LRRC71: variants seen among roughly 807,000 people sequenced by gnomAD.
The protein encoded by LRRC71 is leucine rich repeat containing 71.
LRRC71 carries 54 observed loss-of-function variants against 66.6 expected under a neutral mutation model. The ratio of observed to expected loss-of-function variants is 0.81; its 90% CI spans 0.65 to 1.02. LRRC71 has a LOEUF of 1.02. Among genes scored for constraint, LRRC71 ranks in the 50% least tolerant of loss-of-function variants. LRRC71 has a pLI of 0.00. For missense variants in LRRC71, 724 were observed against 718.0 expected, an observed-to-expected ratio of 1.01 and a Z score of -0.10; for synonymous variants, 323 against 303.9, an observed-to-expected ratio of 1.06 and a Z score of -0.65.
Position 156,920,892 on chromosome 1 carries a change from G to A in LRRC71, c.89G>A (p.Gly30Glu). 1 of 1,539,782 alleles carries A rather than the reference G, an allele frequency of 6.5e-7. No homozygotes were observed. Among genetic ancestry groups the A allele is most frequent in the Non-Finnish European group, 8.8e-7 (1 of 1,142,390 alleles). The change falls in exon 1 of 15, where the codon GGA (glycine) becomes GAA (glutamate). Residue 30 changes from glycine to glutamate, a missense_variant. Transcript: ENST00000337428. The surrounding 1 kb of genome is among the most constrained non-coding windows in gnomAD (Gnocchi z 4.9). ...QKSSGAVTKK[G>E]ERAAKEKPAT... ...TCTTCTGGCGCGGTGACCAAAAAGGGAGAGCGCGCGGCCAAAGAGAAGCCA... is the reference window on the plus strand; with the variant it reads ...TCTTCTGGCGCGGTGACCAAAAAGGAAGAGCGCGCGGCCAAAGAGAAGCCA...
chr1:156,940,156 G>T, the LRRC71 span: 1 of 1,516,228 alleles, frequency 6.6e-7, no homozygotes, highest in Non-Finnish European at 8.9e-7. Flanking sequence ...AGTTCACACT[G>T]GGTGTGCGAC....
At chr1:156,924,795 G>T (rs1652939216) in intron 4 of LRRC71, 77 bp downstream of exon 4, 1 of 1,521,938 alleles carries the variant, frequency 6.6e-7, no homozygotes, top group African/African-American at 1.4e-5. Context: ...AGAGAACCAA[G>T]GGGCATGGGA....
Position 156,929,559 on chromosome 1 carries a change from A to G in LRRC71, c.1147-77A>G, listed in dbSNP as rs1470817047. 5.9e-6 allele frequency: 9 copies of G among 1,533,526 alleles called. No individual in the cohort carries two copies. In the Admixed American group the frequency reaches 1.6e-4, roughly 27 times the overall value. 95.0% of individuals were successfully genotyped at this position (1,533,526 alleles called of 1,614,324 possible). A position where few individuals can be genotyped will look rare whatever the true frequency, so the allele number is the denominator to read the frequency against. On this transcript the variant is annotated intron_variant, in intron 10 of 14. Transcript: ENST00000337428. The stretch of plus-strand genomic sequence containing the variant: ...GTTCCCCCTAAGGCCCCGGGTCCTA[A>G]CCTGGGCTCCTTCCCTCACCACTGC...
At position 156,927,895 on chromosome 1, in the gene LRRC71, T is replaced by G. The variant is rs200787252; in HGVS notation, c.907-20T>G. 3,969 of 1,610,666 alleles carry G rather than the reference T, an allele frequency of 2.5e-3. 10 individuals carry two copies. The highest frequency in any genetic ancestry group is 4.5e-3 in the Admixed American group (270 of 59,640). On this transcript the variant is annotated intron_variant, in intron 8 of 14. Coordinates refer to ENST00000337428, the MANE Select transcript of LRRC71 (RefSeq NM_144702.3). ...CCTGACTACCCAGGCGTCCGACCGC[T>G]GAGCGCCCGCCTCCTTCAGGTCCTG...
At chr1:156,929,550 C>CG in intron 10 of LRRC71, 86 bp from the exon 11 acceptor site, 1 of 1,533,584 alleles carries the variant, frequency 6.5e-7, no homozygotes, top group Non-Finnish European at 8.8e-7. Context: ...CCTAAGGCCC[C>CG]GGGTCCTAAC....
Position 156,927,761 on chromosome 1 carries a change from G to C in LRRC71, c.851G>C (p.Trp284Ser). 1.2e-6 allele frequency: 2 copies of C among 1,611,454 alleles called. No homozygotes were observed. Among genetic ancestry groups the C allele is most frequent in the African/African-American group, 1.3e-5 (1 of 75,046 alleles). Residue 284 changes from tryptophan (W) to serine (S), a missense_variant, in exon 8 of 15, where the codon TGG becomes TCG. Trp to Ser is a radical substitution (Grantham distance 177, BLOSUM62 -3). Transcript: ENST00000337428. ...DGLRLNRSLL[W>S]LSLAHNRIQD... ...CTCCGGCTGAACCGTTCCCTGCTCT[G>C]GCTGTCCCTGGCCCACAACCGCATC... is the stretch of plus-strand genomic sequence containing the variant.
chr1:156,930,642 C>A lies in LRRC71; in HGVS notation c.1329+25C>A, dbSNP rs758123837. The A allele has an allele frequency of 5.2e-6, 8 of 1,544,072 alleles. No individual in the cohort carries two copies. In the African/African-American group the frequency reaches 1.1e-4, roughly 21 times the overall value. ...GGTAAGTTGCCAGGAGGAGTGGAGGCAGGGGGCACACCCCTGGGATTCCAG... is the reference window on the plus strand; with the variant it reads ...GGTAAGTTGCCAGGAGGAGTGGAGGAAGGGGGCACACCCCTGGGATTCCAG... On this transcript the variant is annotated intron_variant, in intron 12 of 14. Transcript: ENST00000337428.
the LRRC71 span, chr1:156,940,194 T>C: frequency 6.4e-7 from 1 of 1,565,298 alleles, no homozygotes; most frequent in African/African-American, 1.3e-5. Context: ...CGGCAGGGCC[T>C]TGAAGCACTC....
chr1:156,935,854 T>TC (rs761550684), downstream of LRRC71: 73 of 886,858 alleles, frequency 8.2e-5, no homozygotes, highest in Non-Finnish European at 1.1e-4. Flanking sequence ...CATGCGGGTC[T>TC]CCCCCCGGGC....
intron 12 of LRRC71, 26 bp downstream of exon 12, chr1:156,930,643 A>G (rs1457895106): frequency 1.3e-6 from 2 of 1,545,254 alleles, no homozygotes; most frequent in South Asian, 2.4e-5. Context: ...GAGTGGAGGC[A>G]GGGGGCACAC....
downstream of LRRC71, chr1:156,936,968 A>G (rs772634099): frequency 1.7e-5 from 28 of 1,613,868 alleles, no homozygotes; most frequent in African/African-American, 2.3e-4. Context: ...CTCTCCCCCA[A>G]GGGACTTGAG....
chr1:156,930,093 C>CTTTTTCTTTCTT, intron 11 of LRRC71, among the ~76,000 whole-genome samples: 1 of 57,658 alleles, frequency 1.7e-5, no homozygotes, highest in East Asian at 1.1e-3. Context: ...TTCTTTCTTT[C>CTTTTTCTTTCTT]TCTCTCTTTT....
At chr1:156,935,702 T>C (rs1654919670), downstream of LRRC71, 2 of 395,420 alleles carry the variant, frequency 5.1e-6, no homozygotes, top group Middle Eastern at 6.6e-4. Flanking sequence ...TGTACACACA[T>C]ATGTGGGGTG....
downstream of LRRC71, chr1:156,936,831 G>GC (rs770799611): frequency 8.7e-6 from 14 of 1,613,814 alleles, no homozygotes; most frequent in Non-Finnish European, 1.2e-5. Context: ...TCAGGGCAGG[G>GC]CCCCAGTTCA....
downstream of LRRC71, among the ~76,000 whole-genome samples, chr1:156,933,596 A>G (rs1654678264): frequency 6.6e-6 from 1 of 152,236 alleles, no homozygotes; most frequent in South Asian, 2.1e-4. Flanking sequence ...AGCAAAGGCT[A>G]AGCATTGAAC....
intron 1 of LRRC71, among the ~76,000 whole-genome samples, chr1:156,923,067 T>C (rs1017660821): frequency 2.0e-5 from 3 of 152,174 alleles, no homozygotes; most frequent in Non-Finnish European, 4.4e-5. Context: ...CTCATGCCTT[T>C]CCCCATGAAC....
chr1:156,927,907 T>C lies in LRRC71; in HGVS notation c.907-8T>C, dbSNP rs747470400. On this transcript the variant is annotated splice_region_variant and splice_polypyrimidine_tract_variant and intron_variant, in intron 8 of 14. Coordinates refer to ENST00000337428, the MANE Select transcript of LRRC71 (RefSeq NM_144702.3). The stretch of plus-strand genomic sequence containing the variant: ...GGCGTCCGACCGCTGAGCGCCCGCC[T>C]CCTTCAGGTCCTGCGCGCCTTCGAG... 1 of 1,611,026 alleles carries C rather than the reference T, an allele frequency of 6.2e-7. No individual in the cohort carries two copies. The highest frequency in any genetic ancestry group is 1.1e-5 in the South Asian group (1 of 90,522).
chr1:156,940,415 G>A, the LRRC71 span: 2 of 1,602,084 alleles, frequency 1.2e-6, no homozygotes, highest in South Asian at 2.2e-5. Context: ...CCCTCTGCTG[G>A]GACCCAGTGC....
chr1:156,939,312 C>T, the LRRC71 span: 2 of 581,302 alleles, frequency 3.4e-6, no homozygotes, highest in East Asian at 3.0e-5. Flanking sequence ...AGAGATGATT[C>T]AGAATTTTGT....
Sources: gnomAD v4.1 joint callset for allele counts (sites outside exome capture counted in the v4.1 genomes callset) on GRCh38, gnomAD v4.1.1 for gene constraint, Gnocchi (gnomAD v3.1) non-coding constraint, MANE v1.5 for transcripts, NCBI Gene and HGNC (gene_info 2026-07-23, HGNC 2026-07-21) for gene names.